FHIP2B: variants seen among roughly 807,000 people sequenced by gnomAD.
FHIP2B encodes FHF complex subunit HOOK-interacting protein 2B.
A neutral mutation model predicts 84.0 loss-of-function variants in FHIP2B; 72 were observed. The ratio of observed to expected loss-of-function variants is 0.86; its 90% CI spans 0.71 to 1.04. The LOEUF is 1.04. FHIP2B is among the 50% of genes least tolerant of loss of function. The pLI, the probability that FHIP2B is intolerant of heterozygous loss-of-function variation, is 0.00. For missense variants in FHIP2B, 972 were observed against 968.9 expected, an observed-to-expected ratio of 1.00 and a Z score of -0.04; for synonymous variants, 497 against 418.7, an observed-to-expected ratio of 1.19 and a Z score of -2.28.
chr8:22,099,452 C>T, intron 9 of FHIP2B, 92 bp downstream of exon 9: 1 of 1,357,088 alleles, frequency 7.4e-7, no homozygotes. Flanking sequence ...CAGACACCTT[C>T]TTGACCAGAA....
chr8:22,100,813 C>T (rs373268955), intron 11 of FHIP2B, 31 bp from the exon 12 acceptor site: 5 of 1,613,470 alleles, frequency 3.1e-6, no homozygotes, highest in Admixed American at 1.7e-5. Context: ...CATTCATTCA[C>T]TGGTGCCGTA....
intron 15 of FHIP2B, 84 bp downstream of exon 15, chr8:22,102,399 CTGGAGGGGTGGG>C: frequency 2.8e-5 from 23 of 807,236 alleles, no homozygotes; most frequent in Non-Finnish European, 4.3e-5. Flanking sequence ...TGGTTGGGGG[CTGGAGGGGTGGG>C]CACCCTTGCC....
rs200310668 is a variant in FHIP2B, at chr8:22,093,316, G to GTGT, written c.46-1101_46-1099dup. Among the ~76,000 whole-genome samples the GTGT allele has an allele frequency of 8.4e-3, 1,279 of 151,468 alleles. 13 individuals are homozygous for GTGT. Among genetic ancestry groups the GTGT allele is most frequent in the Non-Finnish European group, 0.012 (835 of 67,732 alleles). On this transcript the variant is annotated intron_variant, in intron 1 of 16. Coordinates refer to ENST00000289921, the MANE Select transcript of FHIP2B (RefSeq NM_022749.7). ...ACTCTGCAAGAAAAGCGAAGGAATGGTGTTGTTGTTGTTGTTGTTGTTGTT... is the reference window on the plus strand; with the variant it reads ...ACTCTGCAAGAAAAGCGAAGGAATGGTGTTGTTGTTGTTGTTGTTGTTGTTGTT...
At position 22,099,697 on chromosome 8, in the gene FHIP2B, C is replaced by T; in HGVS notation, c.1152-7C>T. ...CCGGGCCTGGCTAAGGTGCCCTCTT[C>T]CCGTAGGTCCGAGCAGAGCATCTTG... On this transcript the variant is annotated splice_region_variant and splice_polypyrimidine_tract_variant and intron_variant, in intron 9 of 16. Transcript: ENST00000289921. 1 of 1,564,034 alleles carries T rather than the reference C, an allele frequency of 6.4e-7. No homozygotes were observed. The highest frequency in any genetic ancestry group is 8.6e-7 in the Non-Finnish European group (1 of 1,160,564).
At chr8:22,094,554 A>G in intron 2 of FHIP2B, 36 bp downstream of exon 2, 1 of 1,608,632 alleles carries the variant, frequency 6.2e-7, no homozygotes, top group Non-Finnish European at 8.5e-7. Context: ...GGGACCCTGG[A>G]GGGAGCGGGG....
chr8:22,100,065 T>G (rs1428507313), intron 10 of FHIP2B, 172 bp downstream of exon 10: 5 of 736 alleles, frequency 6.8e-3, no homozygotes, highest in Non-Finnish European at 0.049. Flanking sequence ...GATCATATAC[T>G]TTTTTTTTTT....
intron 9 of FHIP2B, 118 bp downstream of exon 9, chr8:22,099,478 C>T: frequency 8.3e-7 from 1 of 1,210,932 alleles, no homozygotes; most frequent in Non-Finnish European, 1.2e-6. Context: ...TTTGTGGACC[C>T]CATTGGGTGA....
chr8:22,102,592 T>C lies in FHIP2B; in HGVS notation c.2057T>C (p.Val686Ala), dbSNP rs1395170879. 1 of 1,564,258 alleles carries C rather than the reference T, an allele frequency of 6.4e-7. No individual in the cohort carries two copies. The highest frequency in any genetic ancestry group is 8.7e-7 in the Non-Finnish European group (1 of 1,154,714). Residue 686 changes from valine to alanine, a missense_variant, in exon 16 of 17, where the codon GTG (valine) becomes GCG (alanine). Transcript: ENST00000289921. ...VPQFPGKLLL[V>A]RKQLTGQAPG... Reference sequence around the variant, plus strand: ...CAGTTCCCAGGCAAGCTGCTCCTGGTGCGCAAGCAGTTGACGGGCCAGGCT... The same window carrying C: ...CAGTTCCCAGGCAAGCTGCTCCTGGCGCGCAAGCAGTTGACGGGCCAGGCT...
chr8:22,099,625 A>C, intron 9 of FHIP2B, 79 bp from the exon 10 acceptor site: 2 of 1,449,766 alleles, frequency 1.4e-6, no homozygotes, highest in Non-Finnish European at 9.2e-7. Flanking sequence ...CATGCGAGGC[A>C]AGCAGGAAGG....
chr8:22,096,629 C>G (rs1825786932), intron 3 of FHIP2B, 120 bp downstream of exon 3: 1 of 1,353,020 alleles, frequency 7.4e-7, no homozygotes, highest in Non-Finnish European at 9.6e-7. Flanking sequence ...CCTCTGAGTG[C>G]TGGGCCAGGC....
rs771755429 is a variant in FHIP2B at position 22,089,834 on chromosome 8, C to T, written c.45+536C>T. ...GGGACGTGGGAAGTGCAGGCCCTGC[C>T]GGTCCAAGTCCCCACGAAGGGTAAA... On this transcript the variant is annotated intron_variant, in intron 1 of 16. Transcript: ENST00000289921. The T allele has an allele frequency of 1.6e-5, 21 of 1,283,972 alleles. No homozygotes were observed. In the Admixed American group the frequency reaches 2.8e-4, roughly 17 times the overall value. 79.5% of individuals were successfully genotyped at this position (1,283,972 alleles called of 1,614,324 possible).
chr8:22,089,734 T>A (rs898974542), intron 1 of FHIP2B: 3 of 1,245,300 alleles, frequency 2.4e-6, no homozygotes, highest in Non-Finnish European at 2.1e-6. Context: ...AAAATCGCCG[T>A]CCCTTCCCCT....
intron 3 of FHIP2B, 97 bp downstream of exon 3, chr8:22,096,606 C>A (rs1172889433): frequency 2.9e-6 from 4 of 1,395,772 alleles, no homozygotes; most frequent in African/African-American, 1.5e-5. Flanking sequence ...TGGGCCAGGC[C>A]GAGGTGGGAG....
At chr8:22,096,311 C>T (rs1352981743) in intron 2 of FHIP2B, 26 bp from the exon 3 acceptor site, 5 of 1,524,966 alleles carry the variant, frequency 3.3e-6, no homozygotes, top group African/African-American at 2.8e-5. Context: ...TTACCCTACT[C>T]ACCCTTGTTT....
intron 14 of FHIP2B, 40 bp downstream of exon 14, chr8:22,101,891 G>A: frequency 6.2e-7 from 1 of 1,603,882 alleles, no homozygotes. Context: ...CCAGGCTGGT[G>A]CCTCTGGGGT....
Position 22,094,473 on chromosome 8 carries a change from G to A in FHIP2B, c.79G>A (p.Val27Met), listed in dbSNP as rs1261350983. ...CAGCATTGACCTGCTGCAGGCCTTC[G>A]TGGAGCACTGGAAGGGCATCACGCA... ...EPSIDLLQAF[V>M]EHWKGITHYY... is the part of the protein sequence containing the mutation. Residue 27 changes from valine (V) to methionine (M), a missense_variant, in exon 2 of 17, where the codon GTG becomes ATG. By Grantham distance (21) the Val-to-Met change is conservative. Coordinates refer to ENST00000289921, the MANE Select transcript of FHIP2B (RefSeq NM_022749.7). The A allele has an allele frequency of 1.1e-5, 18 of 1,611,496 alleles. 1 individual carries two copies. The highest frequency in any genetic ancestry group is 1.4e-5 in the Non-Finnish European group (16 of 1,178,984).
chr8:22,103,094 A>G lies in FHIP2B; in HGVS notation c.*163A>G. On this transcript the variant is annotated 3_prime_UTR_variant, in exon 17 of 17. Coordinates refer to ENST00000289921, the MANE Select transcript of FHIP2B (RefSeq NM_022749.7). ...ACCACACCAGACTGGGTTTCAGGGA[A>G]TGGGCATGCCAGGTGCCAAGGAGCC... 1 of 955,290 alleles carries G rather than the reference A, an allele frequency of 1.0e-6. No individual in the cohort carries two copies. Among genetic ancestry groups the G allele is most frequent in the Non-Finnish European group, 1.5e-6 (1 of 660,814 alleles). The allele number at this position is 955,290 out of a possible 1,614,324, so 59.2% of individuals were successfully genotyped here. A position where few individuals can be genotyped will look rare whatever the true frequency, so the allele number is the denominator to read the frequency against.
chr8:22,096,215 G>A (rs1825757361), intron 2 of FHIP2B, 122 bp from the exon 3 acceptor site: 1 of 961,518 alleles, frequency 1.0e-6, no homozygotes, highest in Admixed American at 3.3e-5. Flanking sequence ...GCCAGCAGCT[G>A]TCTTCCCCCA....
chr8:22,098,136 C>T lies in FHIP2B; in HGVS notation c.594C>T (p.Ser198=), dbSNP rs1420668510. The stretch of plus-strand genomic sequence containing the variant: ...CTGCCCTGCCTAAGGACACAACCAG[C>T]CACGGGGACAAGGACTGCTCCCACG... The part of the protein sequence containing the change: ...EPTALPKDTT[S]HGDKDCSHDG... The change falls in exon 6 of 17, where the codon AGC becomes AGT. Residue 198 remains serine (S), a synonymous_variant. Transcript: ENST00000289921. The T allele has an allele frequency of 6.3e-7, 1 of 1,582,718 alleles. No homozygotes were observed. The highest frequency in any genetic ancestry group is 8.6e-7 in the Non-Finnish European group (1 of 1,164,766).
Sources: gnomAD v4.1 joint callset for allele counts (sites outside exome capture counted in the v4.1 genomes callset) on GRCh38, gnomAD v4.1.1 for gene constraint, MANE v1.5 for transcripts, NCBI Gene and HGNC (gene_info 2026-07-23, HGNC 2026-07-21) for gene names.